Variants in MCF2L observed in about 807,000 individuals in gnomAD.
MCF2L encodes the protein guanine nucleotide exchange factor DBS.
Under a neutral mutation model 153.4 loss-of-function variants are expected in MCF2L, and 97 were observed. That is an observed-to-expected ratio of 0.63 (90% CI 0.54 to 0.75). MCF2L has a LOEUF of 0.75. Ranked by LOEUF, MCF2L falls within the 30% of genes least tolerant of loss-of-function variation. MCF2L has a pLI of 0.00. For missense variants in MCF2L, 1,347 were observed against 1,495.2 expected, an observed-to-expected ratio of 0.90 and a Z score of 1.64; for synonymous variants, 659 against 632.2, an observed-to-expected ratio of 1.04 and a Z score of -0.64.
intron 2 of MCF2L, among the ~76,000 whole-genome samples, chr13:113,016,747 C>T (rs1316808430): frequency 3.3e-5 from 5 of 152,200 alleles, no homozygotes; most frequent in African/African-American, 4.8e-5. Flanking sequence ...ATTTCTTCCG[C>T]GGGGCTTGTG....
upstream of MCF2L, chr13:112,969,152 T>G (rs891578302): frequency 7.2e-5 from 29 of 400,842 alleles, no homozygotes; most frequent in African/African-American, 6.3e-4. The surrounding 1 kb of genome is among the most constrained non-coding windows in gnomAD (Gnocchi z 4.8). Context: ...GCGCGCCGCT[T>G]CCGCTTCCGC....
intron 3 of MCF2L, among the ~76,000 whole-genome samples, chr13:113,039,873 T>C (rs1046030604): frequency 6.6e-6 from 1 of 152,192 alleles, no homozygotes; most frequent in African/African-American, 2.4e-5. Context: ...TCTACATAAT[T>C]ACAGCAATTC....
chr13:113,022,487 C>G (rs3011516), intron 2 of MCF2L, among the ~76,000 whole-genome samples: 1 of 151,586 alleles, frequency 6.6e-6, no homozygotes, highest in African/African-American at 2.4e-5. Context: ...CTGCCGTCGG[C>G]GTCACTCCAC....
At position 113,045,500 on chromosome 13, in the gene MCF2L, G is replaced by T; in HGVS notation, c.369+139G>T. 1 of 729,702 alleles carries T rather than the reference G, an allele frequency of 1.4e-6. No homozygotes were observed. The highest frequency in any genetic ancestry group is 2.3e-6 in the Non-Finnish European group (1 of 431,454). The allele number at this position is 729,702 out of a possible 1,614,324, so 45.2% of individuals were successfully genotyped here. On this transcript the variant is annotated intron_variant, in intron 4 of 29. Transcript: ENST00000535094. This position sits in a 1 kb window ranked among gnomAD's most constrained non-coding sequence, Gnocchi z 4.2. Reference sequence around the variant, plus strand: ...AGCCCAGTCCCGGCGGGTGGAGGCCGGCGCCAAGGCCCCCCCTGCTTGGGC... The same window carrying T: ...AGCCCAGTCCCGGCGGGTGGAGGCCTGCGCCAAGGCCCCCCCTGCTTGGGC...
At chr13:113,013,707 G>A (rs2084320693) in intron 1 of MCF2L, among the ~76,000 whole-genome samples, 1 of 152,224 alleles carries the variant, frequency 6.6e-6, no homozygotes, top group South Asian at 2.1e-4. Context: ...CGTGAGTCCT[G>A]CATCTTTTAG....
chr13:113,020,883 G>GTGTGT (rs1222876830), intron 2 of MCF2L, among the ~76,000 whole-genome samples: 1 of 100,122 alleles, frequency 1.0e-5, no homozygotes, highest in Non-Finnish European at 2.1e-5. Context: ...TGTATGTGTA[G>GTGTGT]ATGTGTGTAT....
intron 2 of MCF2L, among the ~76,000 whole-genome samples, chr13:113,016,575 C>G (rs1386202515): frequency 7.9e-5 from 12 of 152,182 alleles, no homozygotes; most frequent in Admixed American, 7.9e-4. Context: ...TCCTCTCCCT[C>G]CTGGAATATA....
intron 11 of MCF2L, 21 bp from the exon 12 acceptor site, chr13:113,075,945 G>A (rs190868182): frequency 2.8e-5 from 45 of 1,582,656 alleles, no homozygotes; most frequent in African/African-American, 1.6e-4. Context: ...TCCTGCCCTC[G>A]GCAATGCTCT....
intron 8 of MCF2L, 145 bp from the exon 9 acceptor site, chr13:113,069,914 T>G: frequency 3.8e-6 from 2 of 521,506 alleles, no homozygotes; most frequent in Non-Finnish European, 3.4e-6. Flanking sequence ...GATCCCAGGT[T>G]TAGGTGCAGG....
rs369691948 is a variant in MCF2L, at chr13:112,916,082, T to A, written c.169+13711T>A. Reference sequence around the variant, plus strand: ...AATTAGCCGGGCATGATGGCGGTTGTCTGTAGTCTCAGCTACTCAGGAGGC... The same window carrying A: ...AATTAGCCGGGCATGATGGCGGTTGACTGTAGTCTCAGCTACTCAGGAGGC... On this transcript the variant is annotated intron_variant, in intron 2 of 29. Coordinates refer to the MCF2L transcript ENST00000375608. 2.1e-3 allele frequency among the ~76,000 whole-genome samples: 320 copies of A among 150,376 alleles called. 8 individuals are homozygous for A. The South Asian group carries it at 0.038, about 18-fold the overall frequency.
At chr13:113,017,692 T>G (rs948219692) in intron 2 of MCF2L, among the ~76,000 whole-genome samples, 1 of 151,910 alleles carries the variant, frequency 6.6e-6, no homozygotes, top group Non-Finnish European at 1.5e-5. Flanking sequence ...CCTGTCTCGC[T>G]CCACTCGAAG....
Position 113,027,180 on chromosome 13 carries a change from C to T in MCF2L, c.278+2422C>T, listed in dbSNP as rs1200032847. 1.5e-6 allele frequency: 1 copy of T among 650,042 alleles called. No individual in the cohort carries two copies. Among genetic ancestry groups the T allele is most frequent in the African/African-American group, 1.8e-5 (1 of 56,222 alleles). The allele number at this position is 650,042 out of a possible 1,614,324, so 40.3% of individuals were successfully genotyped here. A position where few individuals can be genotyped will look rare whatever the true frequency, so the allele number is the denominator to read the frequency against. ...ATTACCGTGAAGGTTCTTCATTCTT[C>T]AGTCTTTAAAGACAACAGCGCACTG... On this transcript the variant is annotated intron_variant, in intron 3 of 29. Coordinates refer to ENST00000535094, the MANE Select transcript of MCF2L (RefSeq NM_001112732.3). The surrounding 1 kb of genome is among the most constrained non-coding windows in gnomAD (Gnocchi z 4.8).
At position 113,035,096 on chromosome 13, in the gene MCF2L, C is replaced by T. The variant is rs1362881499; in HGVS notation, c.279-10175C>T. ...ACGTTCAGCACCCCCGTGCAGACCTCACCATTCCCGACGGGAACACTTGTG... is the reference window on the plus strand; with the variant it reads ...ACGTTCAGCACCCCCGTGCAGACCTTACCATTCCCGACGGGAACACTTGTG... On this transcript the variant is annotated intron_variant, in intron 3 of 29. Transcript: ENST00000535094. The surrounding 1 kb of genome is among the most constrained non-coding windows in gnomAD (Gnocchi z 4.4). 6.6e-6 allele frequency among the ~76,000 whole-genome samples: 1 copy of T among 152,226 alleles called. No individual in the cohort carries two copies. The highest frequency in any genetic ancestry group is 1.9e-4 in the East Asian group (1 of 5,198).
At chr13:112,980,426 C>T (rs969972787) in intron 1 of MCF2L, among the ~76,000 whole-genome samples, 2 of 152,242 alleles carry the variant, frequency 1.3e-5, no homozygotes, top group Non-Finnish European at 2.9e-5. Context: ...TGGGGCCAGC[C>T]CCCACCCCTG....
intron 4 of MCF2L, among the ~76,000 whole-genome samples, chr13:113,056,369 G>A (rs866270699): frequency 3.9e-4 from 58 of 148,010 alleles, no homozygotes; most frequent in African/African-American, 1.5e-3. Context: ...GGTGCTGAGT[G>A]TTTAGGTGCT....
At chr13:112,908,697 A>G (rs995467773) in intron 2 of MCF2L, among the ~76,000 whole-genome samples, 2 of 151,896 alleles carry the variant, frequency 1.3e-5, no homozygotes, top group Admixed American at 1.3e-4. Flanking sequence ...CGTGTCAGAC[A>G]CAAACACCAG....
At chr13:112,961,644 T>C (rs1162761543) in intron 2 of MCF2L, among the ~76,000 whole-genome samples, 1 of 152,242 alleles carries the variant, frequency 6.6e-6, no homozygotes, top group Non-Finnish European at 1.5e-5. Flanking sequence ...GCAGCCCTCC[T>C]TCCCATGTCT....
intron 1 of MCF2L, among the ~76,000 whole-genome samples, chr13:113,004,326 C>T (rs2083553965): frequency 6.6e-6 from 1 of 152,206 alleles, no homozygotes; most frequent in Non-Finnish European, 1.5e-5. Context: ...TCACCTTGGC[C>T]TCTTGTTGAG....
At position 113,087,757 on chromosome 13, in the gene MCF2L, C is replaced by T. The variant is rs1247635998; in HGVS notation, c.2646C>T (p.Phe882=). 13 of 1,614,002 alleles carry T rather than the reference C, an allele frequency of 8.1e-6. No homozygotes were observed. Among genetic ancestry groups the T allele is most frequent in the South Asian group, 7.7e-5 (7 of 91,088 alleles). ...ACGTGAAGGGAGATGCTAAGAAGTT[C>T]GAGATCTGGTACAACGCGCGCGAGG... ...TENVKGDAKK[F]EIWYNAREEV... Residue 882 remains phenylalanine, a synonymous_variant, in exon 23 of 30, where the codon TTC becomes TTT. Coordinates refer to ENST00000535094, the MANE Select transcript of MCF2L (RefSeq NM_001112732.3).
Sources: allele counts gnomAD v4.1 joint callset (sites outside exome capture counted in the v4.1 genomes callset), GRCh38; gene constraint gnomAD v4.1.1; non-coding constraint Gnocchi (gnomAD v3.1); transcripts MANE v1.5; gene names NCBI Gene and HGNC (gene_info 2026-07-23, HGNC 2026-07-21).